The following NAV2 variants were observed in gnomAD, a reference collection of about 807,000 sequenced individuals.
The protein encoded by NAV2 is neuron navigator 2.
A neutral mutation model predicts 223.2 loss-of-function variants in NAV2; 54 were observed. The ratio of observed to expected loss-of-function variants is 0.24; its 90% CI spans 0.19 to 0.30. The LOEUF (loss-of-function observed/expected upper bound fraction) is 0.30. Ranked by LOEUF, NAV2 falls within the 10% of genes least tolerant of loss-of-function variation. The probability of loss-of-function intolerance (pLI) is 1.00; values close to 1 mark genes in which losing one functional copy is unlikely to be tolerated. For synonymous variants in NAV2, 1,279 were observed against 1,239.3 expected (o/e 1.03, Z -0.67); for missense variants, 2,806 against 3,147.5 (o/e 0.89, Z 2.60).
rs550168203 is a variant in NAV2 at position 19,827,178 on chromosome 11, C to T, written c.268-5306C>T. ...TGTGTCCAGTTTTCCTGAGGGTTAT[C>T]GTATTATTACTACTGAGCATGTGGT... is the stretch of plus-strand genomic sequence containing the variant. On this transcript the variant is annotated intron_variant, in intron 1 of 37. Transcript: ENST00000349880. Among the ~76,000 whole-genome samples, 8 of 152,202 alleles carry T rather than the reference C, an allele frequency of 5.3e-5. 1 individual carries two copies. The highest frequency in any genetic ancestry group is 6.8e-3 in the Middle Eastern group (2 of 294).
chr11:19,438,900 T>TG (rs1851302890), intron 1 of NAV2, among the ~76,000 whole-genome samples: 2 of 152,032 alleles, frequency 1.3e-5, no homozygotes, highest in South Asian at 4.2e-4. Flanking sequence ...TAGAGATTTT[T>TG]TTTTTTGTAG....
At position 19,748,742 on chromosome 11, in the gene NAV2, C is replaced by T. The variant is rs572029282; in HGVS notation, c.267+34780C>T. Reference sequence around the variant, plus strand: ...GGTAGTGTTAATACTCTGTTAGGAACGGGGCAGGGAAGGTGCAGGCACCTC... The same window carrying T: ...GGTAGTGTTAATACTCTGTTAGGAATGGGGCAGGGAAGGTGCAGGCACCTC... On this transcript the variant is annotated intron_variant, in intron 1 of 37. Coordinates refer to ENST00000349880, the MANE Select transcript of NAV2 (RefSeq NM_145117.5). 5.9e-5 allele frequency among the ~76,000 whole-genome samples: 9 copies of T among 151,988 alleles called. 1 individual carries two copies. The South Asian group carries it at 1.2e-3, about 21-fold the overall frequency.
intron 2 of NAV2, among the ~76,000 whole-genome samples, chr11:19,838,394 A>T (rs766551184): frequency 3.9e-5 from 6 of 152,112 alleles, no homozygotes; most frequent in Non-Finnish European, 7.4e-5. Flanking sequence ...GACTTTATTA[A>T]AGTGAGACAG....
At chr11:19,602,034 C>T (rs1590652726) in intron 1 of NAV2, among the ~76,000 whole-genome samples, 1 of 152,244 alleles carries the variant, frequency 6.6e-6, no homozygotes, top group Non-Finnish European at 1.5e-5. Flanking sequence ...GTCCCTGTGA[C>T]ACTCTGATTG....
Position 19,473,428 on chromosome 11 carries a change from G to A in NAV2, c.75+122401G>A, listed in dbSNP as rs768480484. Among the ~76,000 whole-genome samples, 9 of 152,166 alleles carry A rather than the reference G, an allele frequency of 5.9e-5. No individual in the cohort carries two copies. The South Asian group carries it at 6.2e-4, about 11-fold the overall frequency. On this transcript the variant is annotated intron_variant, in intron 1 of 37. Transcript: ENST00000360655. The stretch of plus-strand genomic sequence containing the variant: ...TGCATATCCAATGACCTCATAATTC[G>A]TAAGTCAGCATATACTTTCAGGTTT...
intron 10 of NAV2, among the ~76,000 whole-genome samples, chr11:19,972,769 A>G (rs1168960661): frequency 6.6e-6 from 1 of 152,122 alleles, no homozygotes; most frequent in African/African-American, 2.4e-5. Flanking sequence ...TGCTTGCCCC[A>G]AGCTGACACT....
At chr11:19,512,436 T>C (rs1425231196) in intron 1 of NAV2, among the ~76,000 whole-genome samples, 1 of 152,052 alleles carries the variant, frequency 6.6e-6, no homozygotes, top group Non-Finnish European at 1.5e-5. Context: ...CAACTACCAA[T>C]GGCCCATGTG....
At chr11:19,580,499 C>G (rs1337016256) in intron 1 of NAV2, among the ~76,000 whole-genome samples, 1 of 152,120 alleles carries the variant, frequency 6.6e-6, no homozygotes, top group East Asian at 1.9e-4. Context: ...TCTTCCTCTT[C>G]TTGCAAAGCA....
At chr11:19,638,316 G>C (rs2047561903) in intron 1 of NAV2, among the ~76,000 whole-genome samples, 1 of 152,204 alleles carries the variant, frequency 6.6e-6, no homozygotes, top group Non-Finnish European at 1.5e-5. Context: ...AAAACCCAGG[G>C]ACCTTTATAA....
chr11:19,368,081 C>G (rs1230639780), intron 1 of NAV2, among the ~76,000 whole-genome samples: 1 of 152,232 alleles, frequency 6.6e-6, no homozygotes, highest in African/African-American at 2.4e-5. Context: ...GGAGCATCAA[C>G]AAGTACTCTG....
Position 19,618,400 on chromosome 11 carries a change from A to AGATG in NAV2, c.76-214049_76-214046dup, listed in dbSNP as rs151139118. 1.6e-3 allele frequency among the ~76,000 whole-genome samples: 110 copies of AGATG among 66,684 alleles called. 3 individuals carry two copies. The East Asian group carries it at 0.037, about 22-fold the overall frequency. The allele number at this position is 66,684 out of a possible 152,430, so 43.7% of individuals were successfully genotyped here. ...TGGATGGATGGATGGATGGATGAATAGATGGATGGATGGATGGATGGATGG... is the reference window on the plus strand; with the variant it reads ...TGGATGGATGGATGGATGGATGAATAGATGGATGGATGGATGGATGGATGGATGG... On this transcript the variant is annotated intron_variant, in intron 1 of 37. Coordinates refer to the NAV2 transcript ENST00000360655.
At chr11:19,467,851 G>A (rs533198269) in intron 1 of NAV2, among the ~76,000 whole-genome samples, 2 of 152,222 alleles carry the variant, frequency 1.3e-5, no homozygotes, top group South Asian at 4.1e-4. Context: ...GGCAGTGGAG[G>A]CTGGGCTTAA....
At position 20,098,727 on chromosome 11, in the gene NAV2, C is replaced by T. The variant is rs139389294; in HGVS notation, c.6181+982C>T. 1.2e-3 allele frequency among the ~76,000 whole-genome samples: 190 copies of T among 152,312 alleles called. 2 individuals carry two copies. Among genetic ancestry groups the T allele is most frequent in the African/African-American group, 3.7e-3 (155 of 41,572 alleles). The stretch of plus-strand genomic sequence containing the variant: ...CTCCTCCTGCTAGCAAGTGAAATTC[C>T]ACAATTGTGCCTTTGGACTAAAAGT... On this transcript the variant is annotated intron_variant, in intron 31 of 37. Coordinates refer to ENST00000349880, the MANE Select transcript of NAV2 (RefSeq NM_145117.5).
At chr11:20,014,274 C>T (rs2053823963) in intron 11 of NAV2, among the ~76,000 whole-genome samples, 1 of 152,200 alleles carries the variant, frequency 6.6e-6, no homozygotes. Flanking sequence ...GAGCTGGACT[C>T]CCATTGGAAA....
rs112140469 is a variant in NAV2, at chr11:19,977,987, T to G, written c.2646-6138T>G. Among the ~76,000 whole-genome samples, 179 of 37,826 alleles carry G rather than the reference T, an allele frequency of 4.7e-3. 1 individual carries two copies. The highest frequency in any genetic ancestry group is 8.2e-3 in the African/African-American group (169 of 20,674). 24.8% of individuals were successfully genotyped at this position (37,826 alleles called of 152,430 possible). On this transcript the variant is annotated intron_variant, in intron 10 of 37. Coordinates refer to ENST00000349880, the MANE Select transcript of NAV2 (RefSeq NM_145117.5). ...GCCCAGCTCATTTTGTTTTTTTTTG[T>G]TTTTTTTGGTTTTTTTTAGTAGAAA...
At chr11:20,053,376 A>G (rs1013555748) in intron 17 of NAV2, among the ~76,000 whole-genome samples, 1 of 152,164 alleles carries the variant, frequency 6.6e-6, no homozygotes, top group African/African-American at 2.4e-5. Flanking sequence ...AATAGGAATA[A>G]TGGCATCTGC....
At chr11:20,034,402 C>T (rs1442840078) in intron 11 of NAV2, among the ~76,000 whole-genome samples, 20 of 145,020 alleles carry the variant, frequency 1.4e-4, no homozygotes, top group Non-Finnish European at 3.0e-5. Context: ...GTTTTTGAGA[C>T]AGAGTCTTAC....
chr11:19,654,188 T>C (rs550517783), intron 1 of NAV2, among the ~76,000 whole-genome samples: 151 of 152,220 alleles, frequency 9.9e-4, no homozygotes, highest in African/African-American at 3.5e-3. Flanking sequence ...TTACAAGGGA[T>C]GTGAAGGACC....
intron 6 of NAV2, among the ~76,000 whole-genome samples, chr11:19,916,503 T>G (rs1004306452): frequency 6.6e-6 from 1 of 152,256 alleles, no homozygotes; most frequent in Non-Finnish European, 1.5e-5. Context: ...GGATTTCCAA[T>G]TAGTGTCTTT....
Sources: gnomAD v4.1 joint callset for allele counts (sites outside exome capture counted in the v4.1 genomes callset) on GRCh38, gnomAD v4.1.1 for gene constraint, MANE v1.5 for transcripts, NCBI Gene and HGNC (gene_info 2026-07-23, HGNC 2026-07-21) for gene names.